The following ATP8A2 variants were observed in gnomAD, a reference collection of about 807,000 sequenced individuals.
ATP8A2 encodes ATPase phospholipid transporting 8A2.
ATP8A2 carries 100 observed loss-of-function variants against 165.6 expected under a neutral mutation model. That is an observed-to-expected ratio of 0.60 (90% confidence interval 0.51 to 0.71). The LOEUF is 0.71. Ranked by LOEUF, ATP8A2 falls within the 30% of genes least tolerant of loss-of-function variation. The pLI is 0.00. For synonymous variants in ATP8A2, 543 were observed against 548.8 expected (o/e 0.99, Z 0.15); for missense variants, 1,227 against 1,479.5 (o/e 0.83, Z 2.80).
At chr13:25,525,716 T>C (rs1467718322) in intron 2 of ATP8A2, among the ~76,000 whole-genome samples, 1 of 152,154 alleles carries the variant, frequency 6.6e-6, no homozygotes, top group African/African-American at 2.4e-5. Context: ...TCTTCTTTTC[T>C]GTTGCTACTT....
intron 24 of ATP8A2, among the ~76,000 whole-genome samples, chr13:25,676,137 A>T (rs990501089): frequency 1.3e-5 from 2 of 152,206 alleles, no homozygotes; most frequent in African/African-American, 4.8e-5. Flanking sequence ...ATAGGTAGGC[A>T]GTGGTTAACT....
intron 24 of ATP8A2, among the ~76,000 whole-genome samples, chr13:25,618,878 G>T (rs115117269): frequency 1.6e-4 from 25 of 151,956 alleles, no homozygotes; most frequent in Non-Finnish European, 2.9e-5. Context: ...TGCTCAATCC[G>T]CTTCTTAGCA....
chr13:25,781,057 C>G (rs919318625), intron 27 of ATP8A2, among the ~76,000 whole-genome samples: 1 of 152,046 alleles, frequency 6.6e-6, no homozygotes, highest in Non-Finnish European at 1.5e-5. Flanking sequence ...GTCAGGAGAT[C>G]GAGACCATCC....
At chr13:25,859,242 AC>A (rs1952268167) in intron 30 of ATP8A2, among the ~76,000 whole-genome samples, 1 of 152,040 alleles carries the variant, frequency 6.6e-6, no homozygotes. Context: ...ACAAAAAAAA[AC>A]ACTACCCATT....
chr13:25,499,355 C>T (rs1161770070), intron 2 of ATP8A2, among the ~76,000 whole-genome samples: 1 of 152,132 alleles, frequency 6.6e-6, no homozygotes, highest in Admixed American at 6.5e-5. Flanking sequence ...AATCTGTATC[C>T]GGTGGAATGT....
chr13:25,464,062 C>T lies in ATP8A2; in HGVS notation c.77-4915C>T, dbSNP rs1328952897. Reference sequence around the variant, plus strand: ...GGGTGCTTATCTCATTAGTCTTGCACTTCCCACCCACTTTGGGGCTTCATC... The same window carrying T: ...GGGTGCTTATCTCATTAGTCTTGCATTTCCCACCCACTTTGGGGCTTCATC... On this transcript the variant is annotated intron_variant, in intron 1 of 36. Coordinates refer to ENST00000381655, the MANE Select transcript of ATP8A2 (RefSeq NM_016529.6). 2.0e-5 allele frequency among the ~76,000 whole-genome samples: 3 copies of T among 152,212 alleles called. No homozygotes were observed. The South Asian group carries it at 6.2e-4, about 32-fold the overall frequency.
At chr13:25,916,315 G>A (rs1177601080) in intron 33 of ATP8A2, among the ~76,000 whole-genome samples, 4 of 152,226 alleles carry the variant, frequency 2.6e-5, no homozygotes, top group African/African-American at 7.2e-5. Context: ...CGTGGGCACA[G>A]CACACCGGGT....
chr13:25,951,021 C>G (rs150184113), intron 33 of ATP8A2, among the ~76,000 whole-genome samples: 1 of 152,176 alleles, frequency 6.6e-6, no homozygotes, highest in Non-Finnish European at 1.5e-5. Context: ...AACCGGAATG[C>G]GCCTGCACTT....
At chr13:25,737,842 C>T (rs1478678127) in intron 25 of ATP8A2, among the ~76,000 whole-genome samples, 1 of 152,126 alleles carries the variant, frequency 6.6e-6, no homozygotes, top group African/African-American at 2.4e-5. Flanking sequence ...GGCCACCATG[C>T]CTGACTAATT....
intron 1 of ATP8A2, among the ~76,000 whole-genome samples, chr13:25,385,439 G>A (rs1370161253): frequency 1.3e-5 from 2 of 152,102 alleles, no homozygotes; most frequent in African/African-American, 4.8e-5. Context: ...GAATTACTGA[G>A]ACTTAAACAA....
At position 25,492,642 on chromosome 13, in the gene ATP8A2, T is replaced by C. The variant is rs9551208; in HGVS notation, c.221+23521T>C. Among the ~76,000 whole-genome samples the C allele has an allele frequency of 5.0e-3, 757 of 152,136 alleles. 5 individuals are homozygous for C. Among genetic ancestry groups the C allele is most frequent in the African/African-American group, 0.018 (734 of 41,526 alleles). ...TCTGTAGATGTAGCACTGCGTCTTATAAGCCCTCAGTTTCCTACTGTGTGA... is the reference window on the plus strand; with the variant it reads ...TCTGTAGATGTAGCACTGCGTCTTACAAGCCCTCAGTTTCCTACTGTGTGA... On this transcript the variant is annotated intron_variant, in intron 2 of 36. Coordinates refer to ENST00000381655, the MANE Select transcript of ATP8A2 (RefSeq NM_016529.6).
intron 25 of ATP8A2, among the ~76,000 whole-genome samples, chr13:25,761,378 T>C (rs191112424): frequency 6.6e-6 from 1 of 152,326 alleles, no homozygotes; most frequent in Admixed American, 6.5e-5. Flanking sequence ...CTTATTCTAC[T>C]GGGCACTGTG....
chr13:25,605,525 TAAATTTTTGGC>T (rs2040492794), intron 24 of ATP8A2, among the ~76,000 whole-genome samples: 1 of 152,176 alleles, frequency 6.6e-6, no homozygotes, highest in Non-Finnish European at 1.5e-5. Flanking sequence ...ATAGTTTATA[TAAATTTTTGGC>T]TCTTTTAATT....
chr13:25,766,585 G>A (rs1447612074), intron 25 of ATP8A2, among the ~76,000 whole-genome samples: 7 of 152,144 alleles, frequency 4.6e-5, no homozygotes, highest in African/African-American at 1.4e-4. Flanking sequence ...TCACCGCCAC[G>A]AGAGCTCAGC....
rs1441284915 is a variant in ATP8A2, at chr13:26,012,552, G to A, written c.3399G>A (p.Leu1133=). 6.5e-7 allele frequency: 1 copy of A among 1,539,846 alleles called. No homozygotes were observed. Among genetic ancestry groups the A allele is most frequent in the East Asian group, 2.5e-5 (1 of 39,576 alleles). Residue 1133 remains leucine, a synonymous_variant, in exon 36 of 37, where the codon CTG becomes CTA. Transcript: ENST00000381655. ...GCAGGCTGAACGAGCGCGACCGCCT[G>A]ATCAAGAGGCTGGGCCGGAAGACGC... ...NGKRLNERDR[L]IKRLGRKTPP... is the part of the protein sequence containing the mutation.
intron 1 of ATP8A2, among the ~76,000 whole-genome samples, chr13:25,403,015 T>G (rs138288620): frequency 4.8e-4 from 73 of 152,214 alleles, no homozygotes; most frequent in African/African-American, 1.6e-3. Context: ...CTGAATCCCT[T>G]TTATAAGGGC....
chr13:25,502,765 T>C (rs2036895215), intron 2 of ATP8A2, among the ~76,000 whole-genome samples: 1 of 152,220 alleles, frequency 6.6e-6, no homozygotes, highest in South Asian at 2.1e-4. Flanking sequence ...ATGGCTGTTG[T>C]ACTTGGCACT....
At chr13:25,462,593 A>G (rs1033706197) in intron 1 of ATP8A2, among the ~76,000 whole-genome samples, 2 of 152,130 alleles carry the variant, frequency 1.3e-5, no homozygotes, top group Non-Finnish European at 2.9e-5. Flanking sequence ...TTGGGGTTTC[A>G]TTATGTGGGA....
chr13:26,015,485 A>C (rs1001829441), intron 36 of ATP8A2, among the ~76,000 whole-genome samples: 1 of 152,146 alleles, frequency 6.6e-6, no homozygotes, highest in Non-Finnish European at 1.5e-5. Context: ...TCTCATTTCT[A>C]TGGCTATTAG....
Sources: gnomAD v4.1 joint callset for allele counts (sites outside exome capture counted in the v4.1 genomes callset) on GRCh38, gnomAD v4.1.1 for gene constraint, MANE v1.5 for transcripts, NCBI Gene and HGNC (gene_info 2026-07-23, HGNC 2026-07-21) for gene names.